FAM168A: variants seen among roughly 807,000 people sequenced by gnomAD.
The protein encoded by FAM168A is protein FAM168A.
FAM168A carries 3 observed loss-of-function variants against 28.5 expected under a neutral mutation model. That is an observed-to-expected ratio of 0.11 (90% confidence interval 0.05 to 0.27). The LOEUF is 0.27. Ranked by LOEUF, FAM168A falls within the 10% of genes least tolerant of loss-of-function variation. FAM168A has a pLI of 1.00. For synonymous variants in FAM168A, 122 were observed against 124.2 expected (o/e 0.98, Z 0.12); for missense variants, 222 against 311.5 (o/e 0.71, Z 2.16).
At chr11:73,422,947 G>C (rs1050053170) in intron 3 of FAM168A, among the ~76,000 whole-genome samples, 2 of 152,214 alleles carry the variant, frequency 1.3e-5, no homozygotes, top group Non-Finnish European at 2.9e-5. Flanking sequence ...ACAAGGAGAC[G>C]AGGCAGCAAG....
intron 4 of FAM168A, among the ~76,000 whole-genome samples, chr11:73,417,717 G>T (rs1866720448): frequency 6.6e-6 from 1 of 152,016 alleles, no homozygotes; most frequent in Non-Finnish European, 1.5e-5. Flanking sequence ...CCGCCACCAT[G>T]CCTGGCTAAT....
At chr11:73,416,406 T>C (rs1220255938) in intron 4 of FAM168A, among the ~76,000 whole-genome samples, 2 of 152,214 alleles carry the variant, frequency 1.3e-5, no homozygotes, top group African/African-American at 4.8e-5. Flanking sequence ...GATTTATATG[T>C]CTGGACAAAA....
intron 3 of FAM168A, among the ~76,000 whole-genome samples, chr11:73,429,983 AT>A (rs1388044394): frequency 3.3e-5 from 5 of 152,288 alleles, no homozygotes; most frequent in African/African-American, 1.2e-4. Context: ...GAGTTGGGTA[AT>A]CAGGATTCAA....
intron 2 of FAM168A, among the ~76,000 whole-genome samples, chr11:73,433,840 CTTTTTTTTTT>C (rs34260175): frequency 3.6e-5 from 3 of 83,312 alleles, no homozygotes. Flanking sequence ...AGGGTAGGCC[CTTTTTTTTTT>C]TTTTTTTTTT....
At chr11:73,589,181 T>A (rs1047789109) in intron 1 of FAM168A, among the ~76,000 whole-genome samples, 1 of 152,194 alleles carries the variant, frequency 6.6e-6, no homozygotes, top group Admixed American at 6.5e-5. Flanking sequence ...GACCAACGCA[T>A]AATGCTACAA....
At chr11:73,585,960 C>T (rs995742358) in intron 1 of FAM168A, among the ~76,000 whole-genome samples, 6 of 151,176 alleles carry the variant, frequency 4.0e-5, no homozygotes, top group African/African-American at 1.5e-4. Context: ...CACTGCATTA[C>T]TCTATACTTT....
At chr11:73,422,682 AG>A (rs1362007523) in intron 3 of FAM168A, among the ~76,000 whole-genome samples, 3 of 152,252 alleles carry the variant, frequency 2.0e-5, no homozygotes, top group African/African-American at 7.2e-5. Context: ...TTTTGAACTA[AG>A]TGGTAGTTAA....
intron 2 of FAM168A, among the ~76,000 whole-genome samples, chr11:73,457,723 C>CAAAAAAAAAAAAAAAAAAAAA (rs58142151): frequency 2.1e-4 from 8 of 37,542 alleles, no homozygotes; most frequent in East Asian, 1.2e-3. Flanking sequence ...GCCTGGGTGA[C>CAAAAAAAAAAAAAAAAAAAAA]AAAAAAAAAA....
At chr11:73,540,929 G>A (rs1040096128) in intron 1 of FAM168A, among the ~76,000 whole-genome samples, 1 of 152,092 alleles carries the variant, frequency 6.6e-6, no homozygotes, top group Non-Finnish European at 1.5e-5. Flanking sequence ...ATTAGTCCGG[G>A]TACGGTGGCT....
At chr11:73,570,954 G>A (rs912853337) in intron 1 of FAM168A, among the ~76,000 whole-genome samples, 7 of 152,088 alleles carry the variant, frequency 4.6e-5, no homozygotes, top group African/African-American at 1.4e-4. Context: ...GAAGAAAGAT[G>A]CCTAAGTATG....
At chr11:73,502,157 A>C (rs1327214709) in intron 1 of FAM168A, among the ~76,000 whole-genome samples, 1 of 151,718 alleles carries the variant, frequency 6.6e-6, no homozygotes, top group African/African-American at 2.4e-5. Context: ...ATCAGAGAAG[A>C]ACTGCAGGAG....
chr11:73,565,669 A>C (rs1454164713), intron 1 of FAM168A, among the ~76,000 whole-genome samples: 2 of 151,958 alleles, frequency 1.3e-5, no homozygotes, highest in East Asian at 3.8e-4. Flanking sequence ...AAGGAGAGAC[A>C]TTTCAAAGTA....
intron 2 of FAM168A, among the ~76,000 whole-genome samples, chr11:73,437,213 T>A (rs1242862786): frequency 6.6e-6 from 1 of 151,958 alleles, no homozygotes; most frequent in African/African-American, 2.4e-5. Flanking sequence ...TTCTCCTGCC[T>A]CAGCCTCCCA....
In FAM168A at chr11:73,532,564, G is replaced by A. The variant is rs192798119; in HGVS notation, c.-18-64072C>T. 1.9e-4 allele frequency among the ~76,000 whole-genome samples: 29 copies of A among 152,286 alleles called. 1 individual carries two copies. In the East Asian group the frequency reaches 5.4e-3, roughly 28 times the overall value. On this transcript the variant is annotated intron_variant, in intron 1 of 7. Coordinates refer to ENST00000356467, the MANE Select transcript of FAM168A (RefSeq NM_015159.3). ...AGCAATGCAACTGTATATCTTTAGA[G>A]CTTCCACTAAAGGAATCAGTTTTTT...
At chr11:73,554,507 TA>T (rs1565296116) in intron 1 of FAM168A, among the ~76,000 whole-genome samples, 1 of 152,212 alleles carries the variant, frequency 6.6e-6, no homozygotes, top group Non-Finnish European at 1.5e-5. Flanking sequence ...GTTTTAAAAG[TA>T]ATCTCTGCAT....
intron 1 of FAM168A, among the ~76,000 whole-genome samples, chr11:73,515,139 C>T (rs147045051): frequency 6.6e-6 from 1 of 152,256 alleles, no homozygotes; most frequent in East Asian, 1.9e-4. Flanking sequence ...ATTTATAGTG[C>T]CTAAGATTCC....
intron 1 of FAM168A, among the ~76,000 whole-genome samples, chr11:73,580,012 T>C (rs1341426867): frequency 6.6e-6 from 1 of 152,254 alleles, no homozygotes; most frequent in African/African-American, 2.4e-5. Flanking sequence ...TACATGTTTA[T>C]AGTGTTAGCA....
At chr11:73,530,583 G>T (rs917760430) in intron 1 of FAM168A, among the ~76,000 whole-genome samples, 4 of 152,178 alleles carry the variant, frequency 2.6e-5, no homozygotes, top group African/African-American at 9.7e-5. Flanking sequence ...GCCTTGTGGA[G>T]CTCTAAGTTC....
chr11:73,572,269 G>A lies in FAM168A; in HGVS notation c.-19+25654C>T, dbSNP rs1374977201. Reference sequence around the variant, plus strand: ...GGAGGGAGGTGGGGGGTCAGCCCCCGCCCGGCCAGCCGCCCCGTCCAGGAG... The same window carrying A: ...GGAGGGAGGTGGGGGGTCAGCCCCCACCCGGCCAGCCGCCCCGTCCAGGAG... On this transcript the variant is annotated intron_variant, in intron 1 of 7. Coordinates refer to ENST00000356467, the MANE Select transcript of FAM168A (RefSeq NM_015159.3). 2.9e-4 allele frequency among the ~76,000 whole-genome samples: 43 copies of A among 147,880 alleles called. 2 individuals are homozygous for A. The South Asian group carries it at 8.1e-3, about 28-fold the overall frequency.
Sources: allele counts gnomAD v4.1 joint callset (sites outside exome capture counted in the v4.1 genomes callset), GRCh38; gene constraint gnomAD v4.1.1; transcripts MANE v1.5; gene names NCBI Gene and HGNC (gene_info 2026-07-23, HGNC 2026-07-21).